Variants in RABEP1 observed in about 807,000 individuals in gnomAD.
The protein encoded by RABEP1 is rab GTPase-binding effector protein 1.
Under a neutral mutation model 123.4 loss-of-function variants are expected in RABEP1, and 51 were observed. That is an observed-to-expected ratio of 0.41 (90% CI 0.33 to 0.52). The LOEUF is 0.52. Among genes scored for constraint, RABEP1 ranks in the 20% least tolerant of loss-of-function variants. The probability of loss-of-function intolerance (pLI) is 0.16; values close to 1 mark genes in which losing one functional copy is unlikely to be tolerated. For synonymous variants in RABEP1, 347 were observed against 355.2 expected (o/e 0.98, Z 0.26); for missense variants, 888 against 996.3 (o/e 0.89, Z 1.46).
chr17:5,332,652 T>C (rs899602934), intron 3 of RABEP1, among the ~76,000 whole-genome samples: 1 of 142,368 alleles, frequency 7.0e-6, no homozygotes, highest in Non-Finnish European at 1.5e-5. Context: ...CAGCTTGGAG[T>C]GCAGTGGCGC....
rs754281824 is a variant in RABEP1, at chr17:5,335,363, A to C, written c.528+19A>C. On this transcript the variant is annotated intron_variant, in intron 4 of 17. Transcript: ENST00000537505. ...GAAAAAGGTATGAAGGAATGTGTTC[A>C]TTTGTAGAAATATTTGAATTCAAAT... 3.2e-6 allele frequency: 5 copies of C among 1,585,300 alleles called. No individual in the cohort carries two copies. The East Asian group carries it at 9.0e-5, about 28-fold the overall frequency.
At chr17:5,334,518 C>T (rs1906871418) in intron 3 of RABEP1, among the ~76,000 whole-genome samples, 1 of 152,164 alleles carries the variant, frequency 6.6e-6, no homozygotes, top group Non-Finnish European at 1.5e-5. Context: ...AGGCATGAGC[C>T]ACCACACCCG....
intron 5 of RABEP1, among the ~76,000 whole-genome samples, chr17:5,344,984 T>A (rs1011533557): frequency 6.6e-5 from 10 of 150,634 alleles, no homozygotes; most frequent in Admixed American, 2.0e-4. Context: ...TAAAAAAAAA[T>A]AAACAGGTAA....
chr17:5,323,613 T>C (rs1905603494), intron 2 of RABEP1, among the ~76,000 whole-genome samples: 2 of 150,594 alleles, frequency 1.3e-5, no homozygotes, highest in South Asian at 2.1e-4. Context: ...AACACACACA[T>C]ACACACACAA....
At chr17:5,365,033 T>A in intron 10 of RABEP1, 89 bp from the exon 11 acceptor site, 1 of 755,994 alleles carries the variant, frequency 1.3e-6, no homozygotes. Flanking sequence ...ACATAAGAGA[T>A]TTTTTTTTAA....
At chr17:5,352,139 C>G (rs762367594) in intron 7 of RABEP1, among the ~76,000 whole-genome samples, 2 of 151,632 alleles carry the variant, frequency 1.3e-5, no homozygotes, top group African/African-American at 2.4e-5. Context: ...TCCTTTTTGT[C>G]TCTTAATTTG....
intron 3 of RABEP1, among the ~76,000 whole-genome samples, chr17:5,333,797 T>TA (rs1906786906): frequency 6.6e-6 from 1 of 152,198 alleles, no homozygotes; most frequent in African/African-American, 2.4e-5. Flanking sequence ...GTTTTCAACT[T>TA]AATCTTTGCC....
At position 5,282,405 on chromosome 17, in the gene RABEP1, C is replaced by T. The variant is rs1473163162; in HGVS notation, c.-82C>T. 4 of 1,133,654 alleles carry T rather than the reference C, an allele frequency of 3.5e-6. No homozygotes were observed. The highest frequency in any genetic ancestry group is 4.7e-6 in the Non-Finnish European group (4 of 857,620). 70.2% of individuals were successfully genotyped at this position (1,133,654 alleles called of 1,614,324 possible). A position where few individuals can be genotyped will look rare whatever the true frequency, so the allele number is the denominator to read the frequency against. On this transcript the variant is annotated 5_prime_UTR_variant, in exon 1 of 18. Coordinates refer to ENST00000537505, the MANE Select transcript of RABEP1 (RefSeq NM_004703.6). ...GGCGGCGGCGGCGGCTCGGTTGACG[C>T]CTCCTCCGCCAGCTGAGCCCGCGGG... is the stretch of plus-strand genomic sequence containing the variant.
chr17:5,310,482 G>T (rs1359817163), intron 2 of RABEP1, among the ~76,000 whole-genome samples: 1 of 151,752 alleles, frequency 6.6e-6, no homozygotes, highest in East Asian at 1.9e-4. Flanking sequence ...ACCATGCCCG[G>T]CTAATTTTTG....
intron 2 of RABEP1, among the ~76,000 whole-genome samples, chr17:5,331,220 G>A (rs184734491): frequency 6.6e-6 from 1 of 151,644 alleles, no homozygotes; most frequent in East Asian, 1.9e-4. Context: ...TATATGAGAA[G>A]ATGCTCAAAC....
At chr17:5,368,063 T>C (rs1452840448) in intron 11 of RABEP1, among the ~76,000 whole-genome samples, 1 of 152,144 alleles carries the variant, frequency 6.6e-6, no homozygotes, top group African/African-American at 2.4e-5. Flanking sequence ...AGCCTGATTT[T>C]TTTTTTAAAC....
At chr17:5,313,674 C>T (rs16954519) in intron 2 of RABEP1, among the ~76,000 whole-genome samples, 4,421 of 152,136 alleles carry the variant, frequency 0.029, 72 homozygotes, top group Middle Eastern at 0.065. Flanking sequence ...CATCTAAACC[C>T]GGTAAATGGG....
At chr17:5,283,593 G>A (rs1207813736) in intron 1 of RABEP1, among the ~76,000 whole-genome samples, 2 of 152,204 alleles carry the variant, frequency 1.3e-5, no homozygotes, top group Admixed American at 6.5e-5. Context: ...ATCTTTAAGT[G>A]TGAGTAGAGT....
intron 3 of RABEP1, 37 bp downstream of exon 3, chr17:5,332,189 A>G: frequency 6.4e-7 from 1 of 1,560,258 alleles, no homozygotes; most frequent in Non-Finnish European, 8.8e-7. Context: ...TGATTTTCTA[A>G]GATATCCGAT....
intron 7 of RABEP1, among the ~76,000 whole-genome samples, chr17:5,352,620 C>G (rs190810638): frequency 4.4e-4 from 67 of 151,876 alleles, no homozygotes; most frequent in African/African-American, 1.6e-3. Flanking sequence ...CACCTCAGGT[C>G]AGGAGTTTGA....
At position 5,384,116 on chromosome 17, in the gene RABEP1, CT is replaced by C. The variant is rs1911740649; in HGVS notation, c.*895del. On this transcript the variant is annotated 3_prime_UTR_variant, in exon 18 of 18. Transcript: ENST00000537505. ...CTTGGATCATTAGGCTTACGTACTA[CT>C]TGTTTCAAATGTGTCAAATACAAAA... 2 of 213,828 alleles carry C rather than the reference CT, an allele frequency of 9.4e-6. No individual in the cohort carries two copies. The highest frequency in any genetic ancestry group is 1.2e-4 in the Admixed American group (2 of 17,076). 13.2% of individuals were successfully genotyped at this position (213,828 alleles called of 1,614,324 possible). A position where few individuals can be genotyped will look rare whatever the true frequency, so the allele number is the denominator to read the frequency against.
In RABEP1 at chr17:5,310,298, G is replaced by A. The variant is rs1388340454; in HGVS notation, c.163+1476G>A. On this transcript the variant is annotated intron_variant, in intron 2 of 17. Coordinates refer to ENST00000537505, the MANE Select transcript of RABEP1 (RefSeq NM_004703.6). Reference sequence around the variant, plus strand: ...TATTTACAATTTAAATGAAAGCTTCGTCCTTTTTTTTTTTTTTTTTTGAGA... The same window carrying A: ...TATTTACAATTTAAATGAAAGCTTCATCCTTTTTTTTTTTTTTTTTTGAGA... 3.1e-5 allele frequency among the ~76,000 whole-genome samples: 3 copies of A among 95,782 alleles called. No individual in the cohort carries two copies. The South Asian group carries it at 1.1e-3, about 36-fold the overall frequency. The allele number at this position is 95,782 out of a possible 152,430, so 62.8% of individuals were successfully genotyped here.
At chr17:5,299,592 C>CCA (rs2075114192) in intron 1 of RABEP1, among the ~76,000 whole-genome samples, 1 of 151,318 alleles carries the variant, frequency 6.6e-6, no homozygotes, top group East Asian at 1.9e-4. Flanking sequence ...GTTCTGAATT[C>CCA]ATTTTTAGTC....
Position 5,366,344 on chromosome 17 carries a change from A to G in RABEP1, c.1785+1106A>G, listed in dbSNP as rs113746305. On this transcript the variant is annotated intron_variant, in intron 11 of 17. Transcript: ENST00000537505. Reference sequence around the variant, plus strand: ...TTTTATTGGGTGGTCTGTTTATTTTACTTTTTTTGGTCTTTAAAAACTGAT... The same window carrying G: ...TTTTATTGGGTGGTCTGTTTATTTTGCTTTTTTTGGTCTTTAAAAACTGAT... Among the ~76,000 whole-genome samples, 541 of 152,140 alleles carry G rather than the reference A, an allele frequency of 3.6e-3. 3 individuals are homozygous for G. The highest frequency in any genetic ancestry group is 0.012 in the African/African-American group (478 of 41,508).
Sources: gnomAD v4.1 joint callset for allele counts (sites outside exome capture counted in the v4.1 genomes callset) on GRCh38, gnomAD v4.1.1 for gene constraint, MANE v1.5 for transcripts, NCBI Gene and HGNC (gene_info 2026-07-23, HGNC 2026-07-21) for gene names.